NAA25: variants seen among roughly 807,000 people sequenced by gnomAD.
NAA25 encodes N-terminal acetyltransferase B complex subunit NAA25.
In NAA25, 30 loss-of-function variants were observed where a neutral mutation model predicts 132.5. The observed-to-expected ratio is 0.23, with a 90% confidence interval of 0.17 to 0.31. NAA25 has a LOEUF of 0.31. Ranked by LOEUF, NAA25 falls within the 10% of genes least tolerant of loss-of-function variation. The pLI, the probability that NAA25 is intolerant of heterozygous loss-of-function variation, is 1.00. For missense variants in NAA25, 771 were observed against 1,150.4 expected (o/e 0.67, Z 4.77); for synonymous variants, 359 against 401.9 (o/e 0.89, Z 1.28).
chr12:112,033,310 G>A lies in NAA25; in HGVS notation c.2719C>T (p.His907Tyr), dbSNP rs1274165647. The A allele has an allele frequency of 1.9e-6, 3 of 1,613,394 alleles. No individual in the cohort carries two copies. Among genetic ancestry groups the A allele is most frequent in the Non-Finnish European group, 2.5e-6 (3 of 1,179,706 alleles). The stretch of plus-strand genomic sequence containing the variant: ...AGATGTGTTTCAAGCCCTTTAATAT[G>A]ATCCACAACATTGGAAATTAAAGTC... ...LQTLISNVVD[H>Y]IKGLETHLIA... Residue 907 changes from histidine to tyrosine, a missense_variant, in exon 23 of 24, where the codon CAT (histidine) becomes TAT (tyrosine). His to Tyr is a moderately conservative substitution (Grantham distance 83). Around this residue, in one of 3 missense-constraint regions of NAA25, gnomAD observed 324 missense variants for 400.0 expected, o/e 0.81. Transcript: ENST00000261745.
chr12:112,071,780 A>C (rs939712535), intron 10 of NAA25, 115 bp downstream of exon 10: 15 of 707,124 alleles, frequency 2.1e-5, no homozygotes, highest in Non-Finnish European at 3.3e-5. Flanking sequence ...TTTTCAGGCT[A>C]TGAAGACATC....
At chr12:112,094,425 C>A (rs1305715007) in intron 1 of NAA25, among the ~76,000 whole-genome samples, 1 of 151,932 alleles carries the variant, frequency 6.6e-6, no homozygotes, top group African/African-American at 2.4e-5. Context: ...ATCTTAAAAT[C>A]TTTTAAAAAT....
rs760592917 is a variant in NAA25 at position 112,078,159 on chromosome 12, AAAGCTTT to A, written c.664+22_664+28del. 37 of 1,487,148 alleles carry A rather than the reference AAAGCTTT, an allele frequency of 2.5e-5. No individual in the cohort carries two copies. The African/African-American group carries it at 5.2e-4, about 21-fold the overall frequency. 92.1% of individuals were successfully genotyped at this position (1,487,148 alleles called of 1,614,324 possible). On this transcript the variant is annotated intron_variant, in intron 7 of 23. Coordinates refer to ENST00000261745, the MANE Select transcript of NAA25 (RefSeq NM_024953.4). ...TTTCATGTTTAAATAGGAAAAAAAA[AAAGCTTT>A]AAGAAAATGTTTAAAAATTACCTCC...
At chr12:112,067,948 G>C (rs757400254) in intron 11 of NAA25, among the ~76,000 whole-genome samples, 34 of 151,960 alleles carry the variant, frequency 2.2e-4, no homozygotes, top group Non-Finnish European at 4.1e-4. Flanking sequence ...TTATTGGCCA[G>C]GCTGGTCTTG....
chr12:112,054,377 A>G lies in NAA25; in HGVS notation c.1628+11T>C. ...GCTGGCTGCTCATTATTCAGAGTAT[A>G]TACTACCAACCCAATGGTATCATGC... is the stretch of plus-strand genomic sequence containing the variant. On this transcript the variant is annotated intron_variant, in intron 14 of 23. Coordinates refer to ENST00000261745, the MANE Select transcript of NAA25 (RefSeq NM_024953.4). 1 of 1,612,768 alleles carries G rather than the reference A, an allele frequency of 6.2e-7. No individual in the cohort carries two copies.
chr12:112,100,217 A>C (rs1185429220), intron 1 of NAA25, among the ~76,000 whole-genome samples: 1 of 152,186 alleles, frequency 6.6e-6, no homozygotes, highest in Non-Finnish European at 1.5e-5. Flanking sequence ...GCTGGAGTGC[A>C]GTGGCACGAT....
rs533743480 is a variant in NAA25, at chr12:112,053,782, A to C, written c.1629-125T>G. The C allele has an allele frequency of 7.5e-6, 4 of 533,412 alleles. No individual in the cohort carries two copies. In the Admixed American group the frequency reaches 1.3e-4, roughly 17 times the overall value. 33.0% of individuals were successfully genotyped at this position (533,412 alleles called of 1,614,324 possible). A position where few individuals can be genotyped will look rare whatever the true frequency, so the allele number is the denominator to read the frequency against. ...GCTAGGCATAAGAAAACACTAAAAC[A>C]TACTCCCACAGAAATGATCTAATTC... On this transcript the variant is annotated intron_variant, in intron 14 of 23. Coordinates refer to ENST00000261745, the MANE Select transcript of NAA25 (RefSeq NM_024953.4).
At chr12:112,058,883 C>G (rs531752686) in intron 13 of NAA25, among the ~76,000 whole-genome samples, 1 of 151,774 alleles carries the variant, frequency 6.6e-6, no homozygotes, top group Admixed American at 6.6e-5. Flanking sequence ...ACAGTGAAAC[C>G]CCATCTCTAC....
intron 20 of NAA25, among the ~76,000 whole-genome samples, chr12:112,041,734 A>G (rs969768518): frequency 6.6e-6 from 1 of 152,184 alleles, no homozygotes; most frequent in Non-Finnish European, 1.5e-5. Flanking sequence ...ATACTATAGA[A>G]TATTACGCAG....
rs116838734 is a variant in NAA25 at position 112,043,692 on chromosome 12, C to T, written c.2183G>A (p.Arg728His). Reference protein sequence around the residue: ...NGVSSRIDILRLLLQQLEATL... With the variant: ...NGVSSRIDILHLLLQQLEATL... ...TGCCTCCAGCTGTTGAAGGAGCAAA[C>T]GAAGAATATCAATCCGGGAGGATAC... Residue 728 changes from arginine to histidine, a missense_variant, in exon 18 of 24, where the codon CGT becomes CAT. Arg to His is a conservative substitution (Grantham distance 29, BLOSUM62 0). Coordinates refer to ENST00000261745, the MANE Select transcript of NAA25 (RefSeq NM_024953.4). 1.1e-5 allele frequency: 17 copies of T among 1,614,130 alleles called. No homozygotes were observed. Among genetic ancestry groups the T allele is most frequent in the South Asian group, 4.4e-5 (4 of 91,080 alleles).
At chr12:112,033,198 G>A (rs1352829666) in intron 23 of NAA25, 35 bp downstream of exon 23, 9 of 1,576,224 alleles carry the variant, frequency 5.7e-6, no homozygotes, top group Middle Eastern at 1.7e-4. Context: ...TTGTGTGTGT[G>A]TAGAAAACAT....
At chr12:112,086,916 C>CAGG (rs10661645) in intron 4 of NAA25, among the ~76,000 whole-genome samples, 144,164 of 151,188 alleles carry the variant, frequency 0.95, 68,788 homozygotes, top group East Asian at 1. Flanking sequence ...GAGGCTGAGG[C>CAGG]AGAATAGCTT....
At position 112,027,212 on chromosome 12, in the gene NAA25, C is replaced by A. The variant is rs1440153852; in HGVS notation, c.*2319G>T. 1 of 152,320 alleles carries A rather than the reference C, an allele frequency of 6.6e-6. No homozygotes were observed. The highest frequency in any genetic ancestry group is 2.4e-5 in the African/African-American group (1 of 41,366). The allele number at this position is 152,320 out of a possible 1,614,324, so 9.4% of individuals were successfully genotyped here. The stretch of plus-strand genomic sequence containing the variant: ...ACAAAACAAAAAAACCCATACAAAT[C>A]AAAAACAGCAGCAGCAGCAATGGGT... On this transcript the variant is annotated 3_prime_UTR_variant, in exon 24 of 24. Coordinates refer to ENST00000261745, the MANE Select transcript of NAA25 (RefSeq NM_024953.4).
chr12:112,100,308 C>T (rs559087525), intron 1 of NAA25, among the ~76,000 whole-genome samples: 2 of 152,058 alleles, frequency 1.3e-5, no homozygotes, highest in Non-Finnish European at 1.5e-5. Flanking sequence ...ACTACAGGCT[C>T]GTACCACCAG....
intron 17 of NAA25, among the ~76,000 whole-genome samples, chr12:112,045,566 G>C (rs868150233): frequency 1.3e-5 from 2 of 151,812 alleles, no homozygotes; most frequent in Non-Finnish European, 2.9e-5. Flanking sequence ...TGGCCCAGAT[G>C]GGGGGATCAA....
intron 20 of NAA25, among the ~76,000 whole-genome samples, 174 bp from the exon 21 acceptor site, chr12:112,040,752 T>C (rs930999974): frequency 6.6e-6 from 1 of 152,214 alleles, no homozygotes; most frequent in African/African-American, 2.4e-5. Context: ...GTAAGTTCTT[T>C]AAAAAGCCAT....
chr12:112,097,800 T>C (rs373318490), intron 1 of NAA25, among the ~76,000 whole-genome samples: 33 of 152,018 alleles, frequency 2.2e-4, no homozygotes, highest in African/African-American at 7.5e-4. Flanking sequence ...TCTGGGTAAG[T>C]TGATGAGTAA....
chr12:112,093,262 G>A (rs1040825082), intron 1 of NAA25, 126 bp from the exon 2 acceptor site: 38 of 588,000 alleles, frequency 6.5e-5, no homozygotes, highest in South Asian at 5.0e-4. Context: ...CATGGAGGCC[G>A]GGCGTGGTGG....
chr12:112,054,992 G>A (rs1447026628), intron 13 of NAA25, among the ~76,000 whole-genome samples: 7 of 152,044 alleles, frequency 4.6e-5, no homozygotes, highest in Admixed American at 4.6e-4. Context: ...TAACAGAATG[G>A]CAAATAGGAT....
Sources: gnomAD v4.1 joint callset for allele counts (sites outside exome capture counted in the v4.1 genomes callset) on GRCh38, gnomAD v4.1.1 for gene constraint, gnomAD v4.1.1 regional missense constraint, MANE v1.5 for transcripts, NCBI Gene and HGNC (gene_info 2026-07-23, HGNC 2026-07-21) for gene names.